Variants in OR2L13 observed in about 807,000 individuals in gnomAD.
The protein encoded by OR2L13 is olfactory receptor family 2 subfamily L member 13.
In OR2L13, 14 loss-of-function variants were observed where a neutral mutation model predicts 15.3. That is an observed-to-expected ratio of 0.91 (90% confidence interval 0.60 to 1.43). The LOEUF (loss-of-function observed/expected upper bound fraction) is 1.43. Among genes scored for constraint, OR2L13 ranks in the 40% most tolerant of loss-of-function variants. The pLI is 0.00. For synonymous variants in OR2L13, 152 were observed against 142.9 expected (o/e 1.06, Z -0.45); for missense variants, 367 against 387.9 (o/e 0.95, Z 0.45).
At chr1:247,989,822 C>T in the OR2L13 span, among the ~76,000 whole-genome samples, 5 of 152,226 alleles carry the variant, frequency 3.3e-5, no homozygotes, top group East Asian at 9.7e-4. Flanking sequence ...CAAATGAGCA[C>T]TTCATAAATT....
At chr1:248,062,629 G>T in the OR2L13 span, 1 of 152,294 alleles carries the variant, frequency 6.6e-6, no homozygotes, top group Admixed American at 6.5e-5. Flanking sequence ...AATATAATTA[G>T]ATAGAATGAA....
At chr1:247,949,795 A>G in the OR2L13 span, 2 of 1,607,156 alleles carry the variant, frequency 1.2e-6, no homozygotes, top group Non-Finnish European at 1.7e-6. Context: ...GTGAAAATGT[A>G]GAAACACTTT....
chr1:247,984,392 G>T, the OR2L13 span, among the ~76,000 whole-genome samples: 1 of 152,006 alleles, frequency 6.6e-6, no homozygotes, highest in African/African-American at 2.4e-5. Context: ...ATCATAGACT[G>T]CCCTGTATAA....
chr1:248,061,698 A>G, the OR2L13 span: 19 of 1,304,238 alleles, frequency 1.5e-5, no homozygotes, highest in African/African-American at 2.5e-4. Flanking sequence ...TATTATTTCA[A>G]TCCTAGAGTT....
chr1:247,983,953 T>TG, the OR2L13 span, among the ~76,000 whole-genome samples: 19 of 152,144 alleles, frequency 1.2e-4, no homozygotes, highest in South Asian at 8.3e-4. Flanking sequence ...AGTGAGGAGA[T>TG]GGGGGGTCCA....
At chr1:248,086,316 G>C in the OR2L13 span, among the ~76,000 whole-genome samples, 1 of 152,058 alleles carries the variant, frequency 6.6e-6, no homozygotes, top group East Asian at 1.9e-4. Flanking sequence ...TTTCAGAATT[G>C]AATTCTCTTC....
At chr1:248,010,763 GTTTTTTTTTTTT>G in the OR2L13 span, among the ~76,000 whole-genome samples, 3 of 44,476 alleles carry the variant, frequency 6.7e-5, no homozygotes, top group African/African-American at 3.0e-4. Flanking sequence ...CTTTGTTGTT[GTTTTTTTTTTTT>G]TTTTTTTTTT....
chr1:248,003,834 A>T, the OR2L13 span: 1,076 of 1,613,580 alleles, frequency 6.7e-4, 9 homozygotes, highest in African/African-American at 0.013. Flanking sequence ...GGGAAGAAGA[A>T]GGCCTACCTG....
chr1:248,054,289 A>G, the OR2L13 span, among the ~76,000 whole-genome samples: 2 of 151,810 alleles, frequency 1.3e-5, no homozygotes, highest in Admixed American at 1.3e-4. Flanking sequence ...TTTATTTCTG[A>G]GTTTTCTATT....
chr1:248,027,214 G>T, the OR2L13 span, among the ~76,000 whole-genome samples: 1 of 152,170 alleles, frequency 6.6e-6, no homozygotes, highest in African/African-American at 2.4e-5. Context: ...CTCCTGTAGT[G>T]CTCCCAGGCT....
chr1:248,072,119 A>G, the OR2L13 span, among the ~76,000 whole-genome samples: 3 of 151,866 alleles, frequency 2.0e-5, no homozygotes, highest in Admixed American at 2.0e-4. Flanking sequence ...CAGAATTGGA[A>G]AAAACTACTT....
At chr1:247,958,541 G>C in the OR2L13 span, among the ~76,000 whole-genome samples, 2 of 152,126 alleles carry the variant, frequency 1.3e-5, no homozygotes, top group Non-Finnish European at 2.9e-5. Flanking sequence ...TGACAGTGGG[G>C]TGTTAAAGTC....
chr1:248,089,687 A>G, the OR2L13 span, among the ~76,000 whole-genome samples: 1 of 152,118 alleles, frequency 6.6e-6, no homozygotes, highest in Admixed American at 6.5e-5. Context: ...TTTGTCCCTG[A>G]GTTGTTTTTC....
At chr1:248,010,683 C>T in the OR2L13 span, among the ~76,000 whole-genome samples, 5 of 151,374 alleles carry the variant, frequency 3.3e-5, no homozygotes, top group African/African-American at 1.2e-4. Context: ...TATGTAATGC[C>T]CTTCTTTGTC....
the OR2L13 span, among the ~76,000 whole-genome samples, chr1:247,960,183 G>T: frequency 6.6e-6 from 1 of 152,188 alleles, no homozygotes; most frequent in Non-Finnish European, 1.5e-5. Context: ...CTGCAGTTCT[G>T]TTGGAGTTTG....
chr1:248,038,867 G>C, the OR2L13 span: 6 of 1,614,122 alleles, frequency 3.7e-6, no homozygotes, highest in Non-Finnish European at 5.1e-6. Context: ...CAGTGTTTTT[G>C]AGCAGCACCA....
chr1:247,985,206 C>T, the OR2L13 span, among the ~76,000 whole-genome samples: 663 of 152,180 alleles, frequency 4.4e-3, 5 homozygotes, highest in African/African-American at 0.014. Flanking sequence ...CACCCATCAA[C>T]TCATCATTTA....
the OR2L13 span, among the ~76,000 whole-genome samples, chr1:248,009,400 C>T: frequency 1.3e-5 from 2 of 152,114 alleles, no homozygotes; most frequent in Non-Finnish European, 2.9e-5. Flanking sequence ...AAGACCTCTA[C>T]ACAAATAAAC....
chr1:248,085,178 G>C, the OR2L13 span, among the ~76,000 whole-genome samples: 1 of 151,614 alleles, frequency 6.6e-6, no homozygotes, highest in Non-Finnish European at 1.5e-5. Flanking sequence ...GATTGCCACA[G>C]CCCACTGACT....
Sources: allele counts gnomAD v4.1 joint callset (sites outside exome capture counted in the v4.1 genomes callset), GRCh38; gene constraint gnomAD v4.1.1; transcripts MANE v1.5; gene names NCBI Gene and HGNC (gene_info 2026-07-23, HGNC 2026-07-21).